CDK6: variants seen among roughly 807,000 people sequenced by gnomAD.
CDK6 encodes the protein cyclin-dependent kinase 6.
CDK6 carries 6 observed loss-of-function variants against 37.1 expected under a neutral mutation model. The ratio of observed to expected loss-of-function variants is 0.16; its 90% CI spans 0.09 to 0.32. The LOEUF is 0.32. CDK6 is among the 10% of genes least tolerant of loss of function. CDK6 has a pLI of 1.00. For missense variants in CDK6, 224 were observed against 418.9 expected (o/e 0.53, Z 4.06); for synonymous variants, 160 against 161.3 (o/e 0.99, Z 0.06).
rs73404442 is a variant in CDK6, at chr7:92,608,726, T to G, written c.*6414A>C. ...ACTAGGGACATTTTTCTTCCTAAGA[T>G]TTGCAGAACAGATGCCTCTGAGACA... On this transcript the variant is annotated 3_prime_UTR_variant, in exon 8 of 8. Transcript: ENST00000424848. 4.8e-3 allele frequency: 1,097 copies of G among 230,458 alleles called. 12 individuals are homozygous for G. The highest frequency in any genetic ancestry group is 0.022 in the African/African-American group (1,009 of 45,282). The allele number at this position is 230,458 out of a possible 1,614,324, so 14.3% of individuals were successfully genotyped here. A position where few individuals can be genotyped will look rare whatever the true frequency, so the allele number is the denominator to read the frequency against.
chr7:92,695,335 CAAGGTAAT>C (rs1416181115), intron 4 of CDK6, among the ~76,000 whole-genome samples: 2 of 151,310 alleles, frequency 1.3e-5, no homozygotes, highest in Non-Finnish European at 2.9e-5. Context: ...AAGCAATGCT[CAAGGTAAT>C]AAGTGCTTTC....
chr7:92,643,798 C>A lies in CDK6; in HGVS notation c.648-20712G>T, dbSNP rs149421391. 2.8e-3 allele frequency among the ~76,000 whole-genome samples: 432 copies of A among 152,304 alleles called. 4 individuals carry two copies. Among genetic ancestry groups the A allele is most frequent in the African/African-American group, 9.7e-3 (403 of 41,552 alleles). On this transcript the variant is annotated intron_variant, in intron 5 of 7. Coordinates refer to ENST00000424848, the MANE Select transcript of CDK6 (RefSeq NM_001145306.2). ...AAATATGATATAAATGGGACACTTA[C>A]TATTCAGTCTAAAACTGTTCTCATT...
In CDK6 at chr7:92,697,645, C is replaced by T. The variant is rs564176792; in HGVS notation, c.538-26110G>A. Among the ~76,000 whole-genome samples the T allele has an allele frequency of 3.9e-5, 6 of 152,222 alleles. No individual in the cohort carries two copies. In the South Asian group the frequency reaches 8.3e-4, roughly 21 times the overall value. On this transcript the variant is annotated intron_variant, in intron 4 of 7. Coordinates refer to ENST00000424848, the MANE Select transcript of CDK6 (RefSeq NM_001145306.2). ...CCCTCTACCACTGCAGAGAAGCCCC[C>T]GGGAAACATATTTCACAGCTCTAAC...
intron 5 of CDK6, among the ~76,000 whole-genome samples, chr7:92,629,798 G>A (rs552503845): frequency 9.2e-5 from 14 of 152,186 alleles, no homozygotes; most frequent in Non-Finnish European, 1.5e-4. Context: ...ATTTTCTTGT[G>A]GTTCTGTAGG....
In CDK6 at chr7:92,608,480, C is replaced by A. The variant is rs1192726412; in HGVS notation, c.*6660G>T. On this transcript the variant is annotated 3_prime_UTR_variant, in exon 8 of 8. Transcript: ENST00000424848. ...CTTTTCCAGGCATATCTTTCACCAT[C>A]ACATATATAGAATGATGGAAAATAA... The A allele has an allele frequency of 1.7e-5, 4 of 230,578 alleles. No homozygotes were observed. The highest frequency in any genetic ancestry group is 4.4e-5 in the African/African-American group (2 of 45,162). 14.3% of individuals were successfully genotyped at this position (230,578 alleles called of 1,614,324 possible).
rs747433174 is a variant in CDK6, at chr7:92,612,653, C to G, written c.*2487G>C. ...GAATGTTTGTGCTTTAATTTTTCTT[C>G]ATAAGCACTGCCTAGAAATGAGTCA... On this transcript the variant is annotated 3_prime_UTR_variant, in exon 8 of 8. Transcript: ENST00000424848. The G allele has an allele frequency of 5.2e-5, 12 of 233,004 alleles. No homozygotes were observed. The highest frequency in any genetic ancestry group is 1.0e-4 in the Non-Finnish European group (12 of 117,960). 14.4% of individuals were successfully genotyped at this position (233,004 alleles called of 1,614,324 possible). A position where few individuals can be genotyped will look rare whatever the true frequency, so the allele number is the denominator to read the frequency against.
intron 3 of CDK6, among the ~76,000 whole-genome samples, chr7:92,765,057 A>G (rs1799546438): frequency 1.3e-5 from 2 of 152,242 alleles, no homozygotes; most frequent in African/African-American, 2.4e-5. Flanking sequence ...ATTTAAAAAA[A>G]TAACTTATTC....
intron 5 of CDK6, among the ~76,000 whole-genome samples, chr7:92,649,321 T>A (rs1379269766): frequency 6.6e-6 from 1 of 152,192 alleles, no homozygotes; most frequent in Admixed American, 6.5e-5. Context: ...ACTGCTATAA[T>A]GCCAACATTA....
intron 2 of CDK6, among the ~76,000 whole-genome samples, chr7:92,776,149 G>T (rs1799848131): frequency 1.3e-5 from 2 of 151,178 alleles, no homozygotes; most frequent in South Asian, 2.1e-4. Flanking sequence ...TTATGAGTGA[G>T]AACATGAGTG....
At chr7:92,665,886 T>C (rs1796945138) in intron 5 of CDK6, among the ~76,000 whole-genome samples, 1 of 152,202 alleles carries the variant, frequency 6.6e-6, no homozygotes. Flanking sequence ...CATTTGATTG[T>C]TGTATGCCCA....
rs1041243028 is a variant in CDK6 at position 92,835,813 on chromosome 7, G to T, written c.-368+665C>A. 6.6e-6 allele frequency among the ~76,000 whole-genome samples: 1 copy of T among 152,254 alleles called. No homozygotes were observed. The highest frequency in any genetic ancestry group is 1.5e-5 in the Non-Finnish European group (1 of 68,048). The stretch of plus-strand genomic sequence containing the variant: ...GCGGGGACCAGGGCTGCTCACTGCG[G>T]GGCGTGTGTTTAACTCCAATATTTT... On this transcript the variant is annotated intron_variant, in intron 1 of 7. Transcript: ENST00000424848. This position sits in a 1 kb window ranked among gnomAD's most constrained non-coding sequence, Gnocchi z 4.2.
At chr7:92,786,987 C>T (rs1366101546) in intron 2 of CDK6, among the ~76,000 whole-genome samples, 1 of 151,770 alleles carries the variant, frequency 6.6e-6, no homozygotes, top group African/African-American at 2.4e-5. Flanking sequence ...AGTTCGAGAT[C>T]AGCCTGGCCA....
chr7:92,686,586 A>G (rs1162151861), intron 4 of CDK6, among the ~76,000 whole-genome samples: 2 of 152,176 alleles, frequency 1.3e-5, no homozygotes, highest in Non-Finnish European at 2.9e-5. Flanking sequence ...CTGTGCTGCT[A>G]TAACATGCAT....
chr7:92,745,478 G>A (rs920016594), intron 3 of CDK6, among the ~76,000 whole-genome samples: 6 of 152,252 alleles, frequency 3.9e-5, no homozygotes, highest in Middle Eastern at 3.4e-3. Flanking sequence ...ACGTGGGCAG[G>A]CAATCACCAC....
intron 2 of CDK6, among the ~76,000 whole-genome samples, chr7:92,776,278 A>G (rs1799850723): frequency 6.6e-6 from 1 of 152,206 alleles, no homozygotes; most frequent in Non-Finnish European, 1.5e-5. Context: ...CATGGTGTAT[A>G]TGTGCCACAT....
At chr7:92,638,873 T>C (rs562793894) in intron 5 of CDK6, among the ~76,000 whole-genome samples, 17 of 152,344 alleles carry the variant, frequency 1.1e-4, no homozygotes, top group African/African-American at 4.1e-4. Context: ...ATCTAAGATG[T>C]CACCAGTTGA....
intron 4 of CDK6, among the ~76,000 whole-genome samples, chr7:92,679,994 C>T (rs542167818): frequency 6.6e-6 from 1 of 151,598 alleles, no homozygotes; most frequent in East Asian, 2.0e-4. Flanking sequence ...GCTGGGATTA[C>T]AGGTGTGAGC....
chr7:92,796,603 G>C (rs1800419743), intron 2 of CDK6, among the ~76,000 whole-genome samples: 1 of 152,058 alleles, frequency 6.6e-6, no homozygotes, highest in Non-Finnish European at 1.5e-5. Flanking sequence ...GTTGGTAAGA[G>C]TAGGATATTT....
At chr7:92,819,480 A>G (rs888948053) in intron 2 of CDK6, among the ~76,000 whole-genome samples, 7 of 152,068 alleles carry the variant, frequency 4.6e-5, no homozygotes, top group African/African-American at 1.7e-4. Context: ...AAATTTGTCG[A>G]AACTCATAAA....
Sources: gnomAD v4.1 joint callset for allele counts (sites outside exome capture counted in the v4.1 genomes callset) on GRCh38, gnomAD v4.1.1 for gene constraint, Gnocchi (gnomAD v3.1) non-coding constraint, MANE v1.5 for transcripts, NCBI Gene and HGNC (gene_info 2026-07-23, HGNC 2026-07-21) for gene names.